CPNE4: variants seen among roughly 807,000 people sequenced by gnomAD.
CPNE4 encodes copine 4, also known as copine-4.
A neutral mutation model predicts 67.9 loss-of-function variants in CPNE4; 25 were observed. The observed-to-expected ratio is 0.37, with a 90% CI of 0.27 to 0.51. The LOEUF is 0.51. Ranked by LOEUF, CPNE4 falls within the 20% of genes least tolerant of loss-of-function variation. The probability of loss-of-function intolerance (pLI) is 0.93; values close to 1 mark genes in which losing one functional copy is unlikely to be tolerated. For missense variants in CPNE4, 464 were observed against 690.8 expected, an observed-to-expected ratio of 0.67 and a Z score of 3.68; for synonymous variants, 242 against 244.9, an observed-to-expected ratio of 0.99 and a Z score of 0.11.
At chr3:131,576,805 G>A (rs72999212) in intron 9 of CPNE4, among the ~76,000 whole-genome samples, 3,780 of 152,058 alleles carry the variant, frequency 0.025, 83 homozygotes, top group African/African-American at 0.064. Flanking sequence ...AACGATTTCA[G>A]CAGGTTTTGA....
intron 1 of CPNE4, among the ~76,000 whole-genome samples, chr3:132,004,797 A>C (rs957978075): frequency 6.6e-6 from 1 of 152,162 alleles, no homozygotes; most frequent in African/African-American, 2.4e-5. Context: ...GTAATAGCAC[A>C]TTCCCAGTGG....
rs1423534780 is a variant in CPNE4 at position 131,851,799 on chromosome 3, T to C, written c.180+53465A>G. ...TACCACCTGCAGATATATAGAATTT[T>C]ATACATAAAAGGGGTCTTTTAGAAC... On this transcript the variant is annotated intron_variant, in intron 2 of 15. Coordinates refer to ENST00000429747, the MANE Select transcript of CPNE4 (RefSeq NM_130808.3). Among the ~76,000 whole-genome samples the C allele has an allele frequency of 3.3e-5, 5 of 152,084 alleles. No homozygotes were observed. In the East Asian group the frequency reaches 9.6e-4, roughly 29 times the overall value.
chr3:131,908,058 A>C (rs950015789), intron 1 of CPNE4, among the ~76,000 whole-genome samples: 2 of 152,150 alleles, frequency 1.3e-5, no homozygotes, highest in African/African-American at 4.8e-5. Context: ...CCAGTTTTCT[A>C]TCAGCCAGCC....
chr3:131,808,899 A>C (rs568583831), intron 2 of CPNE4, among the ~76,000 whole-genome samples: 1 of 152,344 alleles, frequency 6.6e-6, no homozygotes, highest in South Asian at 2.1e-4. Context: ...ATAAGCTAGT[A>C]ATTTTCCAGA....
At chr3:131,554,547 A>C (rs1260197389) in intron 12 of CPNE4, among the ~76,000 whole-genome samples, 1 of 152,106 alleles carries the variant, frequency 6.6e-6, no homozygotes, top group Non-Finnish European at 1.5e-5. Context: ...AGAAAGAAGG[A>C]GAACAGGTCA....
chr3:131,973,413 A>G (rs2072554810), intron 1 of CPNE4, among the ~76,000 whole-genome samples: 1 of 152,186 alleles, frequency 6.6e-6, no homozygotes. Flanking sequence ...GAAATATGTG[A>G]TGATGATGAT....
intron 1 of CPNE4, among the ~76,000 whole-genome samples, chr3:131,982,985 T>C (rs1004147470): frequency 1.3e-5 from 2 of 152,080 alleles, no homozygotes; most frequent in Admixed American, 6.6e-5. Flanking sequence ...GATGAGACAA[T>C]TATCTTTTAG....
At chr3:131,928,531 A>C (rs2107825066) in intron 1 of CPNE4, among the ~76,000 whole-genome samples, 1 of 152,264 alleles carries the variant, frequency 6.6e-6, no homozygotes, top group South Asian at 2.1e-4. Flanking sequence ...TACAAACAGG[A>C]ACCTGAAAAA....
chr3:131,886,566 G>A (rs868007014), intron 2 of CPNE4, among the ~76,000 whole-genome samples: 1 of 152,088 alleles, frequency 6.6e-6, no homozygotes, highest in Non-Finnish European at 1.5e-5. Context: ...TACTGACAGT[G>A]CACTGTGCAC....
chr3:131,686,506 T>C (rs150402569), intron 5 of CPNE4, among the ~76,000 whole-genome samples: 2,529 of 152,332 alleles, frequency 0.017, 33 homozygotes, highest in South Asian at 0.041. Context: ...CTTTAGCTTC[T>C]AGCAAGTGGT....
intron 7 of CPNE4, among the ~76,000 whole-genome samples, chr3:131,655,403 C>T (rs569211512): frequency 1.6e-4 from 25 of 152,240 alleles, no homozygotes; most frequent in African/African-American, 5.8e-4. Context: ...CATATGCCTT[C>T]AAGAGTCAGT....
intron 2 of CPNE4, among the ~76,000 whole-genome samples, chr3:131,874,304 G>T (rs2087345426): frequency 6.6e-6 from 1 of 152,100 alleles, no homozygotes; most frequent in South Asian, 2.1e-4. Flanking sequence ...TAGCCAGGAT[G>T]GTTTCAATCT....
chr3:131,922,428 C>G (rs2070766566), intron 1 of CPNE4, among the ~76,000 whole-genome samples: 1 of 152,152 alleles, frequency 6.6e-6, no homozygotes, highest in Non-Finnish European at 1.5e-5. Flanking sequence ...TCATCACTAC[C>G]TCATCCATAA....
chr3:131,792,557 G>A (rs1257204594), intron 2 of CPNE4, among the ~76,000 whole-genome samples: 6 of 142,588 alleles, frequency 4.2e-5, no homozygotes, highest in South Asian at 2.2e-4. Context: ...TGTACCTGCC[G>A]ACCAGATACC....
In CPNE4 at chr3:132,034,724, C is replaced by T. The variant is rs1416802157; in HGVS notation, c.-159G>A. 9.1e-6 allele frequency: 9 copies of T among 985,054 alleles called. No homozygotes were observed. Among genetic ancestry groups the T allele is most frequent in the Non-Finnish European group, 1.1e-5 (9 of 830,026 alleles). 61.0% of individuals were successfully genotyped at this position (985,054 alleles called of 1,614,324 possible). ...TCGCACCTCCTTCCCCTCTCGTCCT[C>T]CGAGGTCAGTTTAGCAACAGCGGCT... On this transcript the variant is annotated 5_prime_UTR_variant, in exon 1 of 16. Coordinates refer to ENST00000429747, the MANE Select transcript of CPNE4 (RefSeq NM_130808.3).
At chr3:131,713,243 T>C (rs1262466978) in intron 3 of CPNE4, among the ~76,000 whole-genome samples, 1 of 151,990 alleles carries the variant, frequency 6.6e-6, no homozygotes, top group Non-Finnish European at 1.5e-5. Flanking sequence ...TGAATGTGAG[T>C]GTATATGGAA....
intron 10 of CPNE4, among the ~76,000 whole-genome samples, chr3:131,565,886 C>A (rs1377940885): frequency 6.6e-6 from 1 of 150,478 alleles, no homozygotes; most frequent in African/African-American, 2.4e-5. Flanking sequence ...GATTCCCTTA[C>A]TTTGGATAAC....
At chr3:131,637,059 C>G (rs1234982516) in intron 7 of CPNE4, among the ~76,000 whole-genome samples, 1 of 152,168 alleles carries the variant, frequency 6.6e-6, no homozygotes, top group Non-Finnish European at 1.5e-5. Context: ...AATCCCAGAT[C>G]TTTCCTCTGA....
chr3:131,548,915 G>C (rs1184391269), intron 14 of CPNE4, among the ~76,000 whole-genome samples: 1 of 152,130 alleles, frequency 6.6e-6, no homozygotes, highest in Non-Finnish European at 1.5e-5. Context: ...GTGGGAAAAA[G>C]TTAAGGACAG....
Sources: gnomAD v4.1 joint callset for allele counts (sites outside exome capture counted in the v4.1 genomes callset) on GRCh38, gnomAD v4.1.1 for gene constraint, MANE v1.5 for transcripts, NCBI Gene and HGNC (gene_info 2026-07-23, HGNC 2026-07-21) for gene names.